MEGF9: variants seen among roughly 807,000 people sequenced by gnomAD.
The protein encoded by MEGF9 is multiple EGF like domains 9.
In MEGF9, 6 loss-of-function variants were observed where a neutral mutation model predicts 46.8. The observed-to-expected ratio is 0.13, with a 90% CI of 0.07 to 0.25. The LOEUF (loss-of-function observed/expected upper bound fraction) is 0.25, where lower values mean the gene tolerates loss of function less well. MEGF9 is among the 10% of genes least tolerant of loss of function. MEGF9 has a pLI of 1.00. For missense variants in MEGF9, 683 were observed against 792.4 expected (o/e 0.86, Z 1.66); for synonymous variants, 302 against 330.7 (o/e 0.91, Z 0.94).
chr9:120,703,185 T>C (rs1168860710), intron 1 of MEGF9, among the ~76,000 whole-genome samples: 2 of 152,244 alleles, frequency 1.3e-5, no homozygotes, highest in Non-Finnish European at 2.9e-5. Context: ...AGAGAAACAT[T>C]GATTTCTAAA....
rs567389542 is a variant in MEGF9, at chr9:120,678,944, A to G, written c.602-19369T>C. The stretch of plus-strand genomic sequence containing the variant: ...AATGAGATACCATCTCACACCAGTT[A>G]CAATGGCGATCATTAAAAAGTCAGG... On this transcript the variant is annotated intron_variant, in intron 1 of 5. Transcript: ENST00000373930. Among the ~76,000 whole-genome samples the G allele has an allele frequency of 1.1e-3, 171 of 152,234 alleles. 1 individual carries two copies. Among genetic ancestry groups the G allele is most frequent in the Non-Finnish European group, 2.0e-3 (139 of 68,044 alleles).
At chr9:120,683,868 T>G (rs1197089086) in intron 1 of MEGF9, among the ~76,000 whole-genome samples, 1 of 151,504 alleles carries the variant, frequency 6.6e-6, no homozygotes, top group East Asian at 1.9e-4. Flanking sequence ...CACTCCAACA[T>G]GGACAACAGG....
At position 120,603,005 on chromosome 9, in the gene MEGF9, G is replaced by C. The variant is rs2043404433; in HGVS notation, c.*2185C>G. 6.6e-6 allele frequency: 1 copy of C among 152,062 alleles called. No homozygotes were observed. The highest frequency in any genetic ancestry group is 2.4e-5 in the African/African-American group (1 of 41,390). 9.4% of individuals were successfully genotyped at this position (152,062 alleles called of 1,614,324 possible). ...TCTTTTCACTAAGTGCTTCATAGCT[G>C]TATGGCCCTGGATTGCTCCTGATAT... On this transcript the variant is annotated 3_prime_UTR_variant, in exon 6 of 6. Coordinates refer to ENST00000373930, the MANE Select transcript of MEGF9 (RefSeq NM_001080497.3).
chr9:120,622,417 C>CTTTTTTTTTTTTTTTT (rs59380409), intron 3 of MEGF9, among the ~76,000 whole-genome samples, 199 bp downstream of exon 3: 3 of 101,194 alleles, frequency 3.0e-5, no homozygotes, highest in Admixed American at 1.2e-4. Context: ...AGGTATATGA[C>CTTTTTTTTTTTTTTTT]TTTTTTTTTT....
At chr9:120,646,079 T>C (rs748734770) in intron 2 of MEGF9, among the ~76,000 whole-genome samples, 2 of 152,222 alleles carry the variant, frequency 1.3e-5, no homozygotes, top group Non-Finnish European at 2.9e-5. Context: ...GATTTGTATG[T>C]ATTAATGCAA....
rs926796095 is a variant in MEGF9, at chr9:120,605,088, C to G, written c.*102G>C. ...TGAAAATTTCAGATGCACTATTTGC[C>G]TTTGCTTTCTCAGCAAACTCTAGCC... On this transcript the variant is annotated 3_prime_UTR_variant, in exon 6 of 6. Transcript: ENST00000373930. This position sits in a 1 kb window ranked among gnomAD's most constrained non-coding sequence, Gnocchi z 4.0. 17 of 1,213,984 alleles carry G rather than the reference C, an allele frequency of 1.4e-5. No individual in the cohort carries two copies. The highest frequency in any genetic ancestry group is 7.3e-5 in the Admixed American group (3 of 41,222). The allele number at this position is 1,213,984 out of a possible 1,614,324, so 75.2% of individuals were successfully genotyped here.
At chr9:120,708,560 G>A (rs2043938941) in intron 1 of MEGF9, among the ~76,000 whole-genome samples, 1 of 152,200 alleles carries the variant, frequency 6.6e-6, no homozygotes, top group Admixed American at 6.5e-5. Context: ...GAATCATGCA[G>A]ACCAAATCAT....
At chr9:120,692,017 T>A (rs974886302) in intron 1 of MEGF9, among the ~76,000 whole-genome samples, 1 of 152,218 alleles carries the variant, frequency 6.6e-6, no homozygotes, top group Admixed American at 6.5e-5. Context: ...ATACTTCTTA[T>A]CTTCGGTTTC....
chr9:120,659,401 T>C lies in MEGF9; in HGVS notation c.776A>G (p.His259Arg), dbSNP rs375024757. The change falls in exon 2 of 6, where the codon CAT (histidine) becomes CGT (arginine). Residue 259 changes from histidine (H) to arginine (R), a missense_variant. His to Arg is a conservative substitution (Grantham distance 29). Transcript: ENST00000373930. ...GLCQPCDCSP[H>R]GALSIPCNSS... is the part of the protein sequence containing the mutation. ...GTTGCACGGTATGCTGAGAGCTCCA[T>C]GTGGACTACAGTCACATGGCTGACA... 23 of 1,613,806 alleles carry C rather than the reference T, an allele frequency of 1.4e-5. No homozygotes were observed. The African/African-American group carries it at 2.7e-4, about 19-fold the overall frequency.
intron 2 of MEGF9, among the ~76,000 whole-genome samples, chr9:120,626,096 T>C (rs1243172417): frequency 6.6e-6 from 1 of 152,118 alleles, no homozygotes; most frequent in African/African-American, 2.4e-5. Flanking sequence ...CACAGCTTCA[T>C]AACTGGAGAA....
At chr9:120,670,323 C>G (rs2043743043) in intron 1 of MEGF9, among the ~76,000 whole-genome samples, 1 of 152,178 alleles carries the variant, frequency 6.6e-6, no homozygotes, top group South Asian at 2.1e-4. Context: ...TCTCAAACTC[C>G]TGACCTCAAA....
chr9:120,663,036 C>T (rs1185952779), intron 1 of MEGF9, among the ~76,000 whole-genome samples: 3 of 152,136 alleles, frequency 2.0e-5, no homozygotes, highest in African/African-American at 7.2e-5. Context: ...AATTATATAT[C>T]CTTGGTACTA....
Position 120,714,028 on chromosome 9 carries a change from G to T in MEGF9, c.331C>A (p.Pro111Thr), listed in dbSNP as rs747675664. 4 of 1,343,002 alleles carry T rather than the reference G, an allele frequency of 3.0e-6. No homozygotes were observed. Among genetic ancestry groups the T allele is most frequent in the Middle Eastern group, 2.0e-4 (1 of 5,030 alleles). The allele number at this position is 1,343,002 out of a possible 1,614,324, so 83.2% of individuals were successfully genotyped here. A position where few individuals can be genotyped will look rare whatever the true frequency, so the allele number is the denominator to read the frequency against. ...ETTPLWATAG[P>T]SSTTFQAPLG... is the part of the protein sequence containing the mutation. ...GGCGCCTGAAAGGTGGTGGAAGAGGGTCCAGCAGTCGCCCAAAGAGGGGTG... is the reference window on the plus strand; with the variant it reads ...GGCGCCTGAAAGGTGGTGGAAGAGGTTCCAGCAGTCGCCCAAAGAGGGGTG... Residue 111 changes from proline to threonine, a missense_variant, in exon 1 of 6, where the codon CCC (proline) becomes ACC (threonine). Physicochemically the swap from Pro to Thr is conservative, Grantham distance 38. This residue lies in a region of MEGF9 where 370 missense variants were observed against 371.3 expected (regional missense o/e 1.00). Transcript: ENST00000373930.
chr9:120,634,844 G>A (rs2132310108), intron 2 of MEGF9, among the ~76,000 whole-genome samples: 1 of 151,912 alleles, frequency 6.6e-6, no homozygotes, highest in East Asian at 1.9e-4. Flanking sequence ...ATGTTTGGTG[G>A]TTTTTTTGAA....
chr9:120,607,966 A>G lies in MEGF9; in HGVS notation c.1132T>C (p.Tyr378His), dbSNP rs1257468953. The G allele has an allele frequency of 6.2e-7, 1 of 1,613,914 alleles. No individual in the cohort carries two copies. The highest frequency in any genetic ancestry group is 1.3e-5 in the African/African-American group (1 of 74,942). ...EPECDQCKDG[Y>H]IGPNCNKCEN... ...CATTTATTGCAGTTCGGGCCTATGT[A>G]ACCATCTTTACACTGGTCACATTCA... The change falls in exon 5 of 6, where the codon TAC (tyrosine) becomes CAC (histidine). Residue 378 changes from tyrosine (Y) to histidine (H), a missense_variant. Around this residue, in one of 2 missense-constraint regions of MEGF9, gnomAD observed 313 missense variants for 421.1 expected, o/e 0.74. Transcript: ENST00000373930.
chr9:120,686,717 A>C (rs1374761339), intron 1 of MEGF9, among the ~76,000 whole-genome samples: 1 of 152,252 alleles, frequency 6.6e-6, no homozygotes, highest in Non-Finnish European at 1.5e-5. Context: ...CAGGTGGACT[A>C]GAATCCAAAC....
At chr9:120,626,679 A>G (rs1208763079) in intron 2 of MEGF9, among the ~76,000 whole-genome samples, 1 of 152,196 alleles carries the variant, frequency 6.6e-6, no homozygotes, top group Non-Finnish European at 1.5e-5. Flanking sequence ...TGGGATGGGT[A>G]TAATACAGGA....
At chr9:120,639,465 GC>G (rs764933722) in intron 2 of MEGF9, among the ~76,000 whole-genome samples, 1 of 145,250 alleles carries the variant, frequency 6.9e-6, no homozygotes, top group Non-Finnish European at 1.5e-5. Context: ...CCGAGATTGT[GC>G]CACTGCACTC....
intron 1 of MEGF9, among the ~76,000 whole-genome samples, chr9:120,675,801 T>C (rs569594018): frequency 1.4e-5 from 2 of 145,088 alleles, no homozygotes; most frequent in Admixed American, 1.5e-4. Flanking sequence ...GGCAGGAGAA[T>C]CGCTTGAACC....
Sources: allele counts gnomAD v4.1 joint callset (sites outside exome capture counted in the v4.1 genomes callset), GRCh38; gene constraint gnomAD v4.1.1; regional missense constraint gnomAD v4.1.1; non-coding constraint Gnocchi (gnomAD v3.1); transcripts MANE v1.5; gene names NCBI Gene and HGNC (gene_info 2026-07-23, HGNC 2026-07-21).